HTR4: variants seen among roughly 807,000 people sequenced by gnomAD.
HTR4 encodes the protein 5-hydroxytryptamine receptor 4.
HTR4 carries 16 observed loss-of-function variants against 36.8 expected under a neutral mutation model. That is an observed-to-expected ratio of 0.43 (90% CI 0.29 to 0.66). The LOEUF is 0.66. HTR4 is among the 30% of genes least tolerant of loss of function. The pLI is 0.13. For synonymous variants in HTR4, 189 were observed against 185.1 expected (o/e 1.02, Z -0.17); for missense variants, 438 against 490.9 (o/e 0.89, Z 1.02).
At chr5:148,589,927 T>C (rs1256556396) in intron 2 of HTR4, among the ~76,000 whole-genome samples, 1 of 152,140 alleles carries the variant, frequency 6.6e-6, no homozygotes, top group East Asian at 1.9e-4. Context: ...CACCATGCTG[T>C]CTAGTAGAAC....
chr5:148,520,961 T>A (rs367644487), intron 5 of HTR4: 8 of 1,367,684 alleles, frequency 5.8e-6, no homozygotes, highest in African/African-American at 1.5e-5. Context: ...TTAGACTCCT[T>A]TCCTTGAAAA....
exon 6 of HTR4, chr5:148,451,144 T>A: frequency 6.2e-7 from 1 of 1,612,676 alleles, no homozygotes; most frequent in Non-Finnish European, 8.5e-7. Context: ...CATGCAAACA[T>A]GAATGCGAAT....
intron 5 of HTR4, among the ~76,000 whole-genome samples, chr5:148,456,773 G>GC (rs1215971054): frequency 2.0e-5 from 3 of 152,202 alleles, no homozygotes; most frequent in African/African-American, 7.2e-5. Flanking sequence ...TCCTGGCTCT[G>GC]CCATTTACTA....
At chr5:148,575,232 C>G (rs545312717) in intron 2 of HTR4, among the ~76,000 whole-genome samples, 1 of 152,176 alleles carries the variant, frequency 6.6e-6, no homozygotes, top group Admixed American at 6.6e-5. Flanking sequence ...TACAAGAGGT[C>G]TATACCTCAA....
chr5:148,504,554 A>G (rs1302722067), intron 6 of HTR4, among the ~76,000 whole-genome samples: 1 of 152,214 alleles, frequency 6.6e-6, no homozygotes, highest in African/African-American at 2.4e-5. Flanking sequence ...AAGATCTAAA[A>G]TTGACACCCT....
At chr5:148,573,477 AG>A (rs370633492) in intron 2 of HTR4, among the ~76,000 whole-genome samples, 158 of 152,150 alleles carry the variant, frequency 1.0e-3, no homozygotes, top group African/African-American at 3.6e-3. Flanking sequence ...TACATGCTAG[AG>A]GGAAATAGAA....
intron 4 of HTR4, among the ~76,000 whole-genome samples, chr5:148,543,679 T>C (rs981031847): frequency 2.6e-5 from 4 of 152,180 alleles, no homozygotes; most frequent in Non-Finnish European, 4.4e-5. Flanking sequence ...ACTTGTGAAC[T>C]GATGGCATTT....
At chr5:148,470,719 C>T (rs547141313) in intron 5 of HTR4, among the ~76,000 whole-genome samples, 6 of 152,240 alleles carry the variant, frequency 3.9e-5, no homozygotes, top group South Asian at 4.1e-4. Context: ...GATGGAGTCT[C>T]GTTCTGCTGC....
In HTR4 at chr5:148,500,814, T is replaced by C. The variant is rs999117318; in HGVS notation, c.1076+8642A>G. Among the ~76,000 whole-genome samples, 4 of 152,150 alleles carry C rather than the reference T, an allele frequency of 2.6e-5. No homozygotes were observed. In the South Asian group the frequency reaches 6.2e-4, roughly 24 times the overall value. On this transcript the variant is annotated intron_variant, in intron 6 of 6. Transcript: ENST00000377888. ...AAATTAAATGATACAGCAATTACTT[T>C]TACACTAACCTAATATTTTTTAATT...
At chr5:148,540,947 G>A (rs1181266854) in intron 4 of HTR4, among the ~76,000 whole-genome samples, 2 of 152,158 alleles carry the variant, frequency 1.3e-5, no homozygotes, top group East Asian at 1.9e-4. Flanking sequence ...TTTGCATTTA[G>A]AGAGGAAAAC....
At chr5:148,563,924 A>AC (rs1561621925) in intron 2 of HTR4, among the ~76,000 whole-genome samples, 5 of 140,712 alleles carry the variant, frequency 3.6e-5, no homozygotes, top group African/African-American at 1.6e-4. Flanking sequence ...TGTGGAATGA[A>AC]TGACTGACTG....
chr5:148,616,122 G>C (rs1441165791), intron 2 of HTR4, among the ~76,000 whole-genome samples: 1 of 152,228 alleles, frequency 6.6e-6, no homozygotes, highest in Admixed American at 6.5e-5. Context: ...GCACGAAGGA[G>C]AAATATGAGG....
chr5:148,460,018 T>C lies in HTR4; in HGVS notation c.1077-8746A>G, dbSNP rs558302714. On this transcript the variant is annotated intron_variant, in intron 5 of 5. Transcript: ENST00000521530. ...CTGCAAAAATGAAGACTGCCTTTGA[T>C]GGACTTATTAGTAGACTAGACATGG... Among the ~76,000 whole-genome samples, 4 of 152,200 alleles carry C rather than the reference T, an allele frequency of 2.6e-5. No homozygotes were observed. The South Asian group carries it at 8.3e-4, about 32-fold the overall frequency.
chr5:148,544,513 C>T (rs949109781), intron 4 of HTR4, among the ~76,000 whole-genome samples: 1 of 152,018 alleles, frequency 6.6e-6, no homozygotes, highest in Admixed American at 6.6e-5. Context: ...TCAATGGCTG[C>T]CTTATATTTC....
At chr5:148,515,803 A>T (rs1757721689) in intron 5 of HTR4, among the ~76,000 whole-genome samples, 1 of 151,818 alleles carries the variant, frequency 6.6e-6, no homozygotes, top group Non-Finnish European at 1.5e-5. Flanking sequence ...TTTCTTCTTT[A>T]TTTAACCTGC....
chr5:148,488,221 T>C (rs139589032), intron 6 of HTR4, among the ~76,000 whole-genome samples: 1,896 of 152,294 alleles, frequency 0.012, 20 homozygotes, highest in Middle Eastern at 0.048. Flanking sequence ...AAACATAGGA[T>C]GTGTTCTGTG....
rs372740077 is a variant in HTR4, at chr5:148,508,338, C to A, written c.1076+1118G>T. Among the ~76,000 whole-genome samples, 37 of 152,276 alleles carry A rather than the reference C, an allele frequency of 2.4e-4. No individual in the cohort carries two copies. The South Asian group carries it at 7.7e-3, about 32-fold the overall frequency. On this transcript the variant is annotated intron_variant, in intron 6 of 6. Transcript: ENST00000377888. ...CTACAGGATGAATGTATTTATCACA[C>A]ATAGCTTTGCATAGCTGAGAACAAT...
At chr5:148,605,280 T>C (rs1475425994) in intron 2 of HTR4, among the ~76,000 whole-genome samples, 1 of 131,998 alleles carries the variant, frequency 7.6e-6, no homozygotes, top group Non-Finnish European at 1.6e-5. Context: ...TTTTTTGAGA[T>C]GGAGTCTCAC....
chr5:148,456,774 C>T (rs543130535), intron 5 of HTR4, among the ~76,000 whole-genome samples: 1 of 152,304 alleles, frequency 6.6e-6, no homozygotes, highest in Admixed American at 6.5e-5. Context: ...CCTGGCTCTG[C>T]CATTTACTAA....
Sources: gnomAD v4.1 joint callset for allele counts (sites outside exome capture counted in the v4.1 genomes callset) on GRCh38, gnomAD v4.1.1 for gene constraint, MANE v1.5 for transcripts, NCBI Gene and HGNC (gene_info 2026-07-23, HGNC 2026-07-21) for gene names.